PDZRN4: variants seen among roughly 807,000 people sequenced by gnomAD.
The protein encoded by PDZRN4 is PDZ domain containing ring finger 4.
In PDZRN4, 70 loss-of-function variants were observed where a neutral mutation model predicts 99.0. The ratio of observed to expected loss-of-function variants is 0.71; its 90% confidence interval spans 0.58 to 0.86. The LOEUF (loss-of-function observed/expected upper bound fraction) is 0.86, where lower values mean the gene tolerates loss of function less well. Among genes scored for constraint, PDZRN4 ranks in the 40% least tolerant of loss-of-function variants. The probability of loss-of-function intolerance (pLI) is 0.00; values close to 1 mark genes in which losing one functional copy is unlikely to be tolerated. For synonymous variants in PDZRN4, 551 were observed against 501.6 expected (o/e 1.10, Z -1.32); for missense variants, 1,474 against 1,331.2 (o/e 1.11, Z -1.67).
At chr12:41,495,792 C>T (rs1278427795) in intron 3 of PDZRN4, among the ~76,000 whole-genome samples, 2 of 152,060 alleles carry the variant, frequency 1.3e-5, no homozygotes, top group South Asian at 2.1e-4. Flanking sequence ...CCAGACCTCT[C>T]GTGGTCCCCA....
At chr12:41,364,810 T>TAGC (rs757492018) in intron 3 of PDZRN4, among the ~76,000 whole-genome samples, 12 of 152,080 alleles carry the variant, frequency 7.9e-5, no homozygotes, top group Non-Finnish European at 1.5e-4. Flanking sequence ...GGATGGCAAG[T>TAGC]AGCAGACATT....
At chr12:41,553,172 T>C (rs909864014) in intron 6 of PDZRN4, among the ~76,000 whole-genome samples, 2 of 152,242 alleles carry the variant, frequency 1.3e-5, no homozygotes, top group Admixed American at 6.5e-5. Flanking sequence ...TCTTTTACTC[T>C]GCTGATGGCA....
In PDZRN4 at chr12:41,338,275, C is replaced by A. The variant is rs371798196; in HGVS notation, c.843+144087C>A. 8.5e-4 allele frequency among the ~76,000 whole-genome samples: 130 copies of A among 152,114 alleles called. No individual in the cohort carries two copies. In the Middle Eastern group the frequency reaches 0.01, roughly 12 times the overall value. ...AACCTGAAAGTACAATTAATTAATT[C>A]ATTCATTCATATAGTATTTATCCAG... On this transcript the variant is annotated intron_variant, in intron 3 of 9. Coordinates refer to ENST00000402685, the MANE Select transcript of PDZRN4 (RefSeq NM_001164595.2).
At chr12:41,410,214 T>C (rs1952385699) in intron 3 of PDZRN4, among the ~76,000 whole-genome samples, 1 of 152,208 alleles carries the variant, frequency 6.6e-6, no homozygotes, top group South Asian at 2.1e-4. Context: ...AACACGATTT[T>C]TCATGTTCTG....
intron 3 of PDZRN4, among the ~76,000 whole-genome samples, chr12:41,445,928 A>G (rs532076231): frequency 5.3e-5 from 8 of 152,186 alleles, no homozygotes; most frequent in South Asian, 2.1e-4. Flanking sequence ...CAACGTTTCC[A>G]AAGTCATCAA....
intron 3 of PDZRN4, among the ~76,000 whole-genome samples, chr12:41,332,321 G>A (rs1397909004): frequency 2.6e-5 from 4 of 152,064 alleles, no homozygotes; most frequent in Non-Finnish European, 4.4e-5. Flanking sequence ...AGTAAAGTTA[G>A]GAGGAAGGTG....
chr12:41,382,282 C>A (rs367591266), intron 3 of PDZRN4, among the ~76,000 whole-genome samples: 1 of 152,086 alleles, frequency 6.6e-6, no homozygotes. Context: ...TTGGTCAGAG[C>A]GTCAGACTGT....
intron 3 of PDZRN4, among the ~76,000 whole-genome samples, chr12:41,358,546 A>G (rs1040568545): frequency 5.9e-5 from 9 of 151,954 alleles, no homozygotes; most frequent in African/African-American, 1.7e-4. Context: ...GATTTGCCCA[A>G]TGTCACCAGC....
chr12:41,338,753 T>C (rs922070930), intron 3 of PDZRN4, among the ~76,000 whole-genome samples: 5 of 151,902 alleles, frequency 3.3e-5, no homozygotes, highest in Non-Finnish European at 5.9e-5. Flanking sequence ...GATTAAAGTA[T>C]AAAGAAATAG....
rs114945588 is a variant in PDZRN4 at position 41,353,483 on chromosome 12, C to T, written c.844-152973C>T. On this transcript the variant is annotated intron_variant, in intron 3 of 9. Transcript: ENST00000402685. ...GAAAGATAGGGCACAGACATAAGTT[C>T]AGCTAAAGTAGATGACTTGTCTGGG... Among the ~76,000 whole-genome samples the T allele has an allele frequency of 1.7e-3, 260 of 152,168 alleles. 2 individuals carry two copies. Among genetic ancestry groups the T allele is most frequent in the African/African-American group, 5.9e-3 (247 of 41,518 alleles).
intron 3 of PDZRN4, among the ~76,000 whole-genome samples, chr12:41,465,638 T>C (rs1427547680): frequency 6.6e-6 from 1 of 152,224 alleles, no homozygotes; most frequent in East Asian, 1.9e-4. Context: ...CTTTTGTTCT[T>C]CCCCTTTCCT....
At chr12:41,327,749 T>C (rs1951719217) in intron 3 of PDZRN4, among the ~76,000 whole-genome samples, 2 of 152,152 alleles carry the variant, frequency 1.3e-5, no homozygotes, top group African/African-American at 4.8e-5. Context: ...TCACATGTTA[T>C]TTAACTGGGA....
intron 5 of PDZRN4, among the ~76,000 whole-genome samples, chr12:41,524,568 A>G (rs1264309837): frequency 6.6e-6 from 1 of 152,120 alleles, no homozygotes; most frequent in Non-Finnish European, 1.5e-5. Flanking sequence ...GTACTACGCA[A>G]AGAAAAAGGC....
chr12:41,513,288 G>C (rs1938341333), intron 5 of PDZRN4, among the ~76,000 whole-genome samples: 2 of 152,038 alleles, frequency 1.3e-5, no homozygotes, highest in South Asian at 4.1e-4. Flanking sequence ...ACTCTGGTGT[G>C]TTAGGAACCT....
chr12:41,489,823 C>G (rs1200718296), intron 3 of PDZRN4, among the ~76,000 whole-genome samples: 1 of 152,034 alleles, frequency 6.6e-6, no homozygotes, highest in African/African-American at 2.4e-5. Context: ...GCCAATAGTT[C>G]TGGGCTCTGG....
chr12:41,517,036 GTATTA>G (rs1434524046), intron 5 of PDZRN4, among the ~76,000 whole-genome samples: 1 of 152,030 alleles, frequency 6.6e-6, no homozygotes, highest in Non-Finnish European at 1.5e-5. Context: ...AGTTACCACA[GTATTA>G]TAATTCTTTC....
At chr12:41,481,619 C>G (rs1937675523) in intron 3 of PDZRN4, among the ~76,000 whole-genome samples, 1 of 152,114 alleles carries the variant, frequency 6.6e-6, no homozygotes, top group African/African-American at 2.4e-5. Flanking sequence ...TTAAACTTCC[C>G]TTCAAAACAA....
intron 3 of PDZRN4, among the ~76,000 whole-genome samples, chr12:41,358,127 AT>A (rs1951939967): frequency 6.6e-6 from 1 of 151,970 alleles, no homozygotes; most frequent in Admixed American, 6.6e-5. Flanking sequence ...ATTTGTGGTA[AT>A]GCCTCAGAGA....
chr12:41,573,663 T>A lies in PDZRN4; in HGVS notation c.2884T>A (p.Phe962Ile), dbSNP rs1939525032. 6.2e-7 allele frequency: 1 copy of A among 1,613,586 alleles called. No individual in the cohort carries two copies. The highest frequency in any genetic ancestry group is 8.5e-7 in the Non-Finnish European group (1 of 1,179,914). Residue 962 changes from phenylalanine (F) to isoleucine (I), a missense_variant, in exon 10 of 10, where the codon TTC (phenylalanine) becomes ATC (isoleucine). Phe to Ile is a conservative substitution (Grantham distance 21, BLOSUM62 0). Coordinates refer to ENST00000402685, the MANE Select transcript of PDZRN4 (RefSeq NM_001164595.2). ...CAAAGAGCAGCGCCGTCGCCGTGAG[T>A]TCATGATGCGAAGCAGGTTAGAGTG... is the stretch of plus-strand genomic sequence containing the variant. The part of the protein sequence containing the change: ...RAKEQRRRRE[F>I]MMRSRLECLK...
Sources: gnomAD v4.1 joint callset for allele counts (sites outside exome capture counted in the v4.1 genomes callset) on GRCh38, gnomAD v4.1.1 for gene constraint, MANE v1.5 for transcripts, NCBI Gene and HGNC (gene_info 2026-07-23, HGNC 2026-07-21) for gene names.